The following ZDHHC7 variants were observed in gnomAD, a reference collection of about 807,000 sequenced individuals.
ZDHHC7 encodes the protein zDHHC palmitoyltransferase 7.
A neutral mutation model predicts 34.1 loss-of-function variants in ZDHHC7; 12 were observed. The observed-to-expected ratio is 0.35, with a 90% CI of 0.23 to 0.57. The LOEUF (loss-of-function observed/expected upper bound fraction) is 0.57. ZDHHC7 is among the 20% of genes least tolerant of loss of function. The probability of loss-of-function intolerance (pLI) is 0.84; values close to 1 mark genes in which losing one functional copy is unlikely to be tolerated. For synonymous variants in ZDHHC7, 185 were observed against 155.4 expected (o/e 1.19, Z -1.42); for missense variants, 388 against 402.7 (o/e 0.96, Z 0.31).
intron 1 of ZDHHC7, among the ~76,000 whole-genome samples, chr16:85,010,710 A>G (rs2072779655): frequency 6.6e-6 from 1 of 152,248 alleles, no homozygotes; most frequent in African/African-American, 2.4e-5. Flanking sequence ...AAGTTGTAGA[A>G]GGAACCACAC....
Position 84,991,404 on chromosome 16 carries a change from GC to G in ZDHHC7, c.-17-770del, listed in dbSNP as rs563448294. Among the ~76,000 whole-genome samples, 22 of 152,022 alleles carry G rather than the reference GC, an allele frequency of 1.4e-4. No individual in the cohort carries two copies. The East Asian group carries it at 4.1e-3, about 28-fold the overall frequency. The stretch of plus-strand genomic sequence containing the variant: ...AGGTTCAAGTGATTCTCCTGCCTCA[GC>G]CTCCCGAGTAGCTGGGATTACAGGC... On this transcript the variant is annotated intron_variant, in intron 2 of 7. Transcript: ENST00000313732.
intron 1 of ZDHHC7, among the ~76,000 whole-genome samples, chr16:85,000,966 C>G (rs2072644877): frequency 6.6e-6 from 1 of 152,082 alleles, no homozygotes; most frequent in South Asian, 2.1e-4. Context: ...ATGGGTGGGC[C>G]CCAGCAGACC....
At chr16:85,011,203 G>A (rs1031321577) in intron 1 of ZDHHC7, 83 bp downstream of exon 1, 1 of 152,352 alleles carries the variant, frequency 6.6e-6, no homozygotes, top group East Asian at 1.9e-4. Flanking sequence ...GGAACCGACG[G>A]AAGGACAGGG....
intron 2 of ZDHHC7, among the ~76,000 whole-genome samples, chr16:84,994,218 C>A (rs1427564669): frequency 2.0e-5 from 3 of 152,220 alleles, no homozygotes; most frequent in African/African-American, 7.2e-5. Context: ...GTCTGGCGCA[C>A]AGCAAGGGCA....
At chr16:85,005,484 G>A (rs2072706807) in intron 1 of ZDHHC7, among the ~76,000 whole-genome samples, 3 of 152,190 alleles carry the variant, frequency 2.0e-5, no homozygotes, top group Admixed American at 1.3e-4. Context: ...TCATTTTCAG[G>A]ATGACAAAAT....
chr16:85,002,565 G>A (rs951925641), intron 1 of ZDHHC7, among the ~76,000 whole-genome samples: 4 of 152,298 alleles, frequency 2.6e-5, no homozygotes, highest in African/African-American at 7.2e-5. Context: ...AACAAGGAAC[G>A]CCTGAGAAAG....
At chr16:84,995,557 CAG>C (rs1271179187) in intron 2 of ZDHHC7, among the ~76,000 whole-genome samples, 1 of 152,046 alleles carries the variant, frequency 6.6e-6, no homozygotes, top group Non-Finnish European at 1.5e-5. Context: ...ACCTGGGAGA[CAG>C]AGGTCGCAGA....
At chr16:85,017,100 C>T in the ZDHHC7 span, among the ~76,000 whole-genome samples, 5 of 152,200 alleles carry the variant, frequency 3.3e-5, no homozygotes, top group Middle Eastern at 3.4e-3. Context: ...GCCACCGCAC[C>T]GGCCAACTTG....
chr16:85,022,058 G>A, the ZDHHC7 span, among the ~76,000 whole-genome samples: 4 of 151,336 alleles, frequency 2.6e-5, no homozygotes, highest in African/African-American at 9.7e-5. Context: ...TACTCAGGAG[G>A]CTGAGGCAGG....
At chr16:85,023,855 G>A in the ZDHHC7 span, among the ~76,000 whole-genome samples, 8 of 151,812 alleles carry the variant, frequency 5.3e-5, no homozygotes, top group South Asian at 1.7e-3. Context: ...CCTGAGCTCA[G>A]GTGATCTGCC....
chr16:84,998,696 C>T (rs888236962), intron 1 of ZDHHC7, among the ~76,000 whole-genome samples: 1 of 151,722 alleles, frequency 6.6e-6, no homozygotes, highest in African/African-American at 2.4e-5. Context: ...TAGACAAACA[C>T]TGACACAGCA....
In ZDHHC7 at chr16:84,999,869, G is replaced by A. The variant is rs185475207; in HGVS notation, c.-103-3862C>T. On this transcript the variant is annotated intron_variant, in intron 1 of 7. Coordinates refer to ENST00000313732, the MANE Select transcript of ZDHHC7 (RefSeq NM_017740.3). ...ACTATACACTTTAAATTGTGGGGCCGGGCACAGTGGCTCATACCTGTAATC... is the reference window on the plus strand; with the variant it reads ...ACTATACACTTTAAATTGTGGGGCCAGGCACAGTGGCTCATACCTGTAATC... 2.4e-4 allele frequency among the ~76,000 whole-genome samples: 36 copies of A among 152,268 alleles called. 1 individual carries two copies. The highest frequency in any genetic ancestry group is 1.2e-3 in the East Asian group (6 of 5,184).
At chr16:85,019,007 A>G in the ZDHHC7 span, among the ~76,000 whole-genome samples, 1 of 152,178 alleles carries the variant, frequency 6.6e-6, no homozygotes, top group South Asian at 2.1e-4. Flanking sequence ...CCTCCGCTGT[A>G]GGTGGAGCAG....
rs1037401228 is a variant in ZDHHC7 at position 84,981,943 on chromosome 16, G to C, written c.367C>G (p.Leu123Val). 1.9e-6 allele frequency: 3 copies of C among 1,614,238 alleles called. No homozygotes were observed. Among genetic ancestry groups the C allele is most frequent in the Non-Finnish European group, 2.5e-6 (3 of 1,180,044 alleles). ...ATKEYMESLQ[L>V]KPGEVIYKCP... ...TTGTAGATGACTTCCCCGGGCTTCA[G>C]CTGCAAGCTCTCCATGTATTCTTTC... Residue 123 changes from leucine to valine, a missense_variant, in exon 4 of 8, where the codon CTG (leucine) becomes GTG (valine). Coordinates refer to ENST00000313732, the MANE Select transcript of ZDHHC7 (RefSeq NM_017740.3).
At chr16:85,003,695 G>T (rs540019503) in intron 1 of ZDHHC7, among the ~76,000 whole-genome samples, 1 of 152,156 alleles carries the variant, frequency 6.6e-6, no homozygotes, top group African/African-American at 2.4e-5. Context: ...TAGTGACATT[G>T]CCTGACCTTT....
chr16:84,978,669 C>T (rs1224580825), intron 5 of ZDHHC7, among the ~76,000 whole-genome samples: 1 of 152,040 alleles, frequency 6.6e-6, no homozygotes, highest in African/African-American at 2.4e-5. Flanking sequence ...TCAAGACCAG[C>T]CCAACCAATA....
chr16:84,976,553 T>C (rs1443449534), intron 7 of ZDHHC7, 34 bp from the exon 8 acceptor site: 3 of 1,603,812 alleles, frequency 1.9e-6, no homozygotes, highest in African/African-American at 1.3e-5. Context: ...TGGCAGCGGC[T>C]CCAGGAAGCT....
chr16:85,008,278 A>G (rs942093542), intron 1 of ZDHHC7, among the ~76,000 whole-genome samples: 1 of 152,018 alleles, frequency 6.6e-6, no homozygotes, highest in Non-Finnish European at 1.5e-5. Context: ...CAATCAATCA[A>G]TCAATCAATC....
At chr16:84,999,556 C>G (rs189668360) in intron 1 of ZDHHC7, among the ~76,000 whole-genome samples, 1 of 152,084 alleles carries the variant, frequency 6.6e-6, no homozygotes, top group Admixed American at 6.6e-5. Context: ...ATTACTGATA[C>G]AAGCAACATG....
Sources: gnomAD v4.1 joint callset for allele counts (sites outside exome capture counted in the v4.1 genomes callset) on GRCh38, gnomAD v4.1.1 for gene constraint, MANE v1.5 for transcripts, NCBI Gene and HGNC (gene_info 2026-07-23, HGNC 2026-07-21) for gene names.